TMEM94: variants seen among roughly 807,000 people sequenced by gnomAD.
TMEM94 encodes the protein transmembrane protein 94.
Under a neutral mutation model 158.6 loss-of-function variants are expected in TMEM94, and 81 were observed. That is an observed-to-expected ratio of 0.51 (90% CI 0.43 to 0.61). The LOEUF is 0.61. Among genes scored for constraint, TMEM94 ranks in the 20% least tolerant of loss-of-function variants. The probability of loss-of-function intolerance (pLI) is 0.00; values close to 1 mark genes in which losing one functional copy is unlikely to be tolerated. For synonymous variants in TMEM94, 751 were observed against 730.7 expected (o/e 1.03, Z -0.45); for missense variants, 1,435 against 1,762.0 (o/e 0.81, Z 3.32).
chr17:75,485,619 A>T lies in TMEM94; in HGVS notation c.144+72A>T. 1 of 1,591,346 alleles carries T rather than the reference A, an allele frequency of 6.3e-7. No homozygotes were observed. The highest frequency in any genetic ancestry group is 8.6e-7 in the Non-Finnish European group (1 of 1,161,708). ...GAAGTGTGGGAGGCCCCTTCTCAGG[A>T]CTCTGATGTACCCTGTCACCCTGGA... On this transcript the variant is annotated intron_variant, in intron 3 of 31. Coordinates refer to ENST00000314256, the MANE Select transcript of TMEM94 (RefSeq NM_014738.6). The surrounding 1 kb of genome is among the most constrained non-coding windows in gnomAD (Gnocchi z 5.5).
chr17:75,470,099 G>A (rs551064356), intron 1 of TMEM94, among the ~76,000 whole-genome samples: 1 of 152,066 alleles, frequency 6.6e-6, no homozygotes, highest in Non-Finnish European at 1.5e-5. Flanking sequence ...ATAAACCAAG[G>A]CTTTTCCTGC....
rs1037107043 is a variant in TMEM94, at chr17:75,498,799, G to T, written c.3827+77G>T. On this transcript the variant is annotated intron_variant, in intron 30 of 31. Coordinates refer to ENST00000314256, the MANE Select transcript of TMEM94 (RefSeq NM_014738.6). This position sits in a 1 kb window ranked among gnomAD's most constrained non-coding sequence, Gnocchi z 6.7. Reference sequence around the variant, plus strand: ...TTCTGCAGGGCTAGGATCGGAGGGCGGGACCGGGGCCAGTGGTTTAACTGT... The same window carrying T: ...TTCTGCAGGGCTAGGATCGGAGGGCTGGACCGGGGCCAGTGGTTTAACTGT... 1.3e-6 allele frequency: 2 copies of T among 1,525,318 alleles called. No homozygotes were observed. Among genetic ancestry groups the T allele is most frequent in the East Asian group, 4.5e-5 (2 of 44,076 alleles). 94.5% of individuals were successfully genotyped at this position (1,525,318 alleles called of 1,614,324 possible). A position where few individuals can be genotyped will look rare whatever the true frequency, so the allele number is the denominator to read the frequency against.
At chr17:75,476,552 C>T in intron 2 of TMEM94, 9 of 1,457,766 alleles carry the variant, frequency 6.2e-6, no homozygotes, top group Non-Finnish European at 8.1e-6. Flanking sequence ...TGTGCAGCAC[C>T]CGGCTTCTTG....
chr17:75,495,527 A>G lies in TMEM94; in HGVS notation c.2845-17A>G, dbSNP rs1567972602. 1.2e-6 allele frequency: 2 copies of G among 1,613,012 alleles called. No individual in the cohort carries two copies. The highest frequency in any genetic ancestry group is 1.7e-5 in the Admixed American group (1 of 59,954). On this transcript the variant is annotated splice_polypyrimidine_tract_variant and intron_variant, in intron 21 of 31. Coordinates refer to ENST00000314256, the MANE Select transcript of TMEM94 (RefSeq NM_014738.6). The surrounding 1 kb of genome is among the most constrained non-coding windows in gnomAD (Gnocchi z 5.6). ...TGATCCCCATCCCGAAGCCGCTGGC[A>G]TCTCTGCTTTCTCCAGGCCAAGCTG...
Position 75,499,638 on chromosome 17 carries a change from CCCCTTTAGGGAT to C in TMEM94, c.*310_*321del, listed in dbSNP as rs1386986697. On this transcript the variant is annotated 3_prime_UTR_variant, in exon 32 of 32. Coordinates refer to ENST00000314256, the MANE Select transcript of TMEM94 (RefSeq NM_014738.6). ...CTAAACCCCCTCACCTGTGAGCTAC[CCCCTTTAGGGAT>C]CCCTTGCCCCCTTGGAGATCCCTTG... 2.4e-5 allele frequency: 9 copies of C among 377,828 alleles called. No individual in the cohort carries two copies. Among genetic ancestry groups the C allele is most frequent in the Non-Finnish European group, 3.9e-5 (8 of 207,394 alleles). The allele number at this position is 377,828 out of a possible 1,614,324, so 23.4% of individuals were successfully genotyped here.
At chr17:75,482,238 C>T (rs376569315) in intron 2 of TMEM94, among the ~76,000 whole-genome samples, 41 of 151,592 alleles carry the variant, frequency 2.7e-4, no homozygotes, top group Non-Finnish European at 5.3e-4. Context: ...CCCAGCTGCT[C>T]GGGAGGCTGA....
chr17:75,484,589 G>A (rs1342334353), intron 2 of TMEM94, among the ~76,000 whole-genome samples: 3 of 151,736 alleles, frequency 2.0e-5, no homozygotes. Context: ...TACAGATGGG[G>A]TTCCTCTATG....
At position 75,493,777 on chromosome 17, in the gene TMEM94, C is replaced by G. The variant is rs148014146; in HGVS notation, c.2268C>G (p.Cys756Trp). The stretch of plus-strand genomic sequence containing the variant: ...CCTTCGCCTACAAGCCCATGAACTG[C>G]GCCCTGTCCTCTCAGCTCAATGGCA... ...CSAFAYKPMN[C>W]ALSSQLNGKC... Residue 756 changes from cysteine to tryptophan, a missense_variant, in exon 18 of 32, where the codon TGC (cysteine) becomes TGG (tryptophan). Cys to Trp is a radical substitution (Grantham distance 215, BLOSUM62 -2). Transcript: ENST00000314256. The G allele has an allele frequency of 1.9e-6, 3 of 1,613,988 alleles. No individual in the cohort carries two copies. In the African/African-American group the frequency reaches 4.0e-5, roughly 22 times the overall value.
intron 31 of TMEM94, 78 bp downstream of exon 31, chr17:75,499,160 C>T (rs1020547359): frequency 1.3e-5 from 21 of 1,586,860 alleles, no homozygotes; most frequent in Admixed American, 1.7e-5. Context: ...GACACTCCCC[C>T]ACCTTTCCGC....
chr17:75,494,063 G>A, intron 18 of TMEM94, 147 bp downstream of exon 18: 1 of 742,492 alleles, frequency 1.3e-6, no homozygotes, highest in Non-Finnish European at 2.2e-6. Context: ...ACGCCAGTGT[G>A]GCACTCTATC....
rs766436512 is a variant in TMEM94 at position 75,491,739 on chromosome 17, C to A, written c.1435C>A (p.His479Asn). Residue 479 changes from histidine (H) to asparagine (N), a missense_variant, in exon 14 of 32, where the codon CAC becomes AAC. Physicochemically the swap from His to Asn is moderately conservative, Grantham distance 68. Coordinates refer to ENST00000314256, the MANE Select transcript of TMEM94 (RefSeq NM_014738.6). The surrounding 1 kb of genome is among the most constrained non-coding windows in gnomAD (Gnocchi z 5.1). ...LLAGSLNNTL[H>N]LSNEQERGDW... is the part of the protein sequence containing the mutation. ...GGCTGGCTCCCTGAACAACACCCTG[C>A]ACCTTTCCAATGAGCAGGAGCGTGG... 3 of 1,614,092 alleles carry A rather than the reference C, an allele frequency of 1.9e-6. No homozygotes were observed. Among genetic ancestry groups the A allele is most frequent in the Non-Finnish European group, 2.5e-6 (3 of 1,180,028 alleles).
In TMEM94 at chr17:75,485,401, C is replaced by T. The variant is rs148775478; in HGVS notation, c.25-27C>T. 8.2e-3 allele frequency: 13,219 copies of T among 1,603,182 alleles called. 117 individuals are homozygous for T. Among genetic ancestry groups the T allele is most frequent in the Non-Finnish European group, 8.5e-3 (9,982 of 1,172,056 alleles). On this transcript the variant is annotated intron_variant, in intron 2 of 31. Coordinates refer to ENST00000314256, the MANE Select transcript of TMEM94 (RefSeq NM_014738.6). This position sits in a 1 kb window ranked among gnomAD's most constrained non-coding sequence, Gnocchi z 5.5. ...TTGCATAGCCTTGGCCTGGCAGTGA[C>T]GCCCAGCGCCTCCTGCTTGCCTGCA...
At chr17:75,470,578 G>A (rs1295429355) in intron 1 of TMEM94, among the ~76,000 whole-genome samples, 2 of 152,070 alleles carry the variant, frequency 1.3e-5, no homozygotes, top group South Asian at 2.1e-4. Context: ...GGTGGCGGGC[G>A]CCTGTAGTCC....
Position 75,494,777 on chromosome 17 carries a change from ACTTCT to A in TMEM94, c.2562_2566del (p.Ser855GlyfsTer3), listed in dbSNP as rs1286629526. 1.2e-6 allele frequency: 2 copies of A among 1,613,570 alleles called. No individual in the cohort carries two copies. The highest frequency in any genetic ancestry group is 1.7e-6 in the Non-Finnish European group (2 of 1,180,024). ...GTCAACGCCTGCATCCGCTTTGTCT[ACTTCT>A]CTTTGGAGGATGAGCTCAAAAGCAA... On this transcript the variant is annotated frameshift_variant, in exon 19 of 32. Transcript: ENST00000314256. LOFTEE classifies it high-confidence loss of function.
chr17:75,492,092 C>A lies in TMEM94; in HGVS notation c.1596+192C>A. 3 of 770,274 alleles carry A rather than the reference C, an allele frequency of 3.9e-6. No individual in the cohort carries two copies. Among genetic ancestry groups the A allele is most frequent in the Non-Finnish European group, 6.1e-6 (3 of 488,432 alleles). 47.7% of individuals were successfully genotyped at this position (770,274 alleles called of 1,614,324 possible). A position where few individuals can be genotyped will look rare whatever the true frequency, so the allele number is the denominator to read the frequency against. On this transcript the variant is annotated intron_variant, in intron 14 of 31. Coordinates refer to ENST00000314256, the MANE Select transcript of TMEM94 (RefSeq NM_014738.6). This position sits in a 1 kb window ranked among gnomAD's most constrained non-coding sequence, Gnocchi z 4.4. ...GCGAAGTAGGTGGAGCCTCCCCCTA[C>A]CCTTCCATTCTTGTAATCGCAATCA...
At chr17:75,486,041 G>T in intron 4 of TMEM94, 43 bp downstream of exon 4, 1 of 1,566,408 alleles carries the variant, frequency 6.4e-7, no homozygotes, top group Non-Finnish European at 8.6e-7. Context: ...CAGCTGTGCT[G>T]TCCATCCTGC....
Position 75,471,828 on chromosome 17 carries a change from G to A in TMEM94, c.-78G>A, listed in dbSNP as rs542087905. On this transcript the variant is annotated 5_prime_UTR_variant, in exon 2 of 32. Transcript: ENST00000314256. ...TTGTGACTGTGACAGACTCACTGGG[G>A]TTTGTACATGCTGGGGAGGAGCCTT... is the stretch of plus-strand genomic sequence containing the variant. 18 of 1,459,590 alleles carry A rather than the reference G, an allele frequency of 1.2e-5. No homozygotes were observed. The African/African-American group carries it at 2.0e-4, about 16-fold the overall frequency. The allele number at this position is 1,459,590 out of a possible 1,614,324, so 90.4% of individuals were successfully genotyped here.
At chr17:75,472,254 G>A (rs2050528817) in intron 2 of TMEM94, among the ~76,000 whole-genome samples, 1 of 152,230 alleles carries the variant, frequency 6.6e-6, no homozygotes, top group African/African-American at 2.4e-5. Flanking sequence ...CTAGGGCGAT[G>A]TCCTAACCTG....
chr17:75,471,409 C>G (rs967109579), intron 1 of TMEM94, among the ~76,000 whole-genome samples: 15 of 152,038 alleles, frequency 9.9e-5, no homozygotes, highest in African/African-American at 3.6e-4. Context: ...GAGGCTGACT[C>G]TGTCTGATGG....
Sources: gnomAD v4.1 joint callset for allele counts (sites outside exome capture counted in the v4.1 genomes callset) on GRCh38, gnomAD v4.1.1 for gene constraint, Gnocchi (gnomAD v3.1) non-coding constraint, MANE v1.5 for transcripts, NCBI Gene and HGNC (gene_info 2026-07-23, HGNC 2026-07-21) for gene names.